Variants in PLXNA1 observed in about 807,000 individuals in gnomAD.
The protein encoded by PLXNA1 is plexin-A1.
PLXNA1 carries 77 observed loss-of-function variants against 191.7 expected under a neutral mutation model. The ratio of observed to expected loss-of-function variants is 0.40; its 90% confidence interval spans 0.33 to 0.49. The LOEUF is 0.49. Ranked by LOEUF, PLXNA1 falls within the 20% of genes least tolerant of loss-of-function variation. The pLI is 0.63. For missense variants in PLXNA1, 2,110 were observed against 2,660.2 expected (o/e 0.79, Z 4.55); for synonymous variants, 1,137 against 1,156.4 (o/e 0.98, Z 0.34).
intron 17 of PLXNA1, among the ~76,000 whole-genome samples, 178 bp downstream of exon 17, chr3:127,017,215 G>A (rs569296247): frequency 3.3e-5 from 5 of 152,360 alleles, no homozygotes; most frequent in Admixed American, 2.6e-4. Context: ...GCGGGTAGAA[G>A]GTCTGGCTCT....
At chr3:127,017,393 T>TCCCGCCCAGCATC (rs1159421102) in intron 17 of PLXNA1, 32 bp from the exon 18 acceptor site, 1 of 1,602,432 alleles carries the variant, frequency 6.2e-7, no homozygotes, top group Admixed American at 1.7e-5. Context: ...CTCGCGGAGG[T>TCCCGCCCAGCATC]CCCGCCCAGC....
chr3:126,983,936 C>T (rs2078944597), intron 1 of PLXNA1, among the ~76,000 whole-genome samples: 2 of 152,178 alleles, frequency 1.3e-5, no homozygotes, highest in Non-Finnish European at 1.5e-5. Flanking sequence ...GCCACCGCTC[C>T]CACTGGCCCG....
In PLXNA1 at chr3:127,016,952, C is replaced by A; in HGVS notation, c.3191C>A (p.Thr1064Asn). The change falls in exon 17 of 32, where the codon ACC (threonine) becomes AAC (asparagine). Residue 1064 changes from threonine to asparagine, a missense_variant. Thr to Asn is a moderately conservative substitution (Grantham distance 65, BLOSUM62 0). Around this residue, in one of 4 missense-constraint regions of PLXNA1, gnomAD observed 644 missense variants for 714.3 expected, o/e 0.90. Coordinates refer to ENST00000393409, the MANE Select transcript of PLXNA1 (RefSeq NM_032242.4). ...DPEWSINSGG[T>N]LLTVTGTNLA... ...CCCCTGTCCTGTTCCAGCGGTGGGA[C>A]CCTCCTGACGGTCACAGGCACCAAC... 1 of 1,612,920 alleles carries A rather than the reference C, an allele frequency of 6.2e-7. No individual in the cohort carries two copies. The highest frequency in any genetic ancestry group is 8.5e-7 in the Non-Finnish European group (1 of 1,179,686).
At chr3:126,997,008 A>G (rs981867812) in intron 3 of PLXNA1, among the ~76,000 whole-genome samples, 2 of 152,104 alleles carry the variant, frequency 1.3e-5, no homozygotes, top group African/African-American at 4.8e-5. Context: ...TTCCCTTCCC[A>G]GGGTGACCGC....
chr3:126,997,867 T>TA (rs368546267), intron 3 of PLXNA1, among the ~76,000 whole-genome samples: 114 of 152,284 alleles, frequency 7.5e-4, no homozygotes, highest in African/African-American at 2.6e-3. Flanking sequence ...ACACCATTGA[T>TA]AAGGTGGAGG....
intron 20 of PLXNA1, 74 bp downstream of exon 20, chr3:127,018,602 TC>T: frequency 8.8e-7 from 1 of 1,138,318 alleles, no homozygotes. Flanking sequence ...CACACCTACT[TC>T]CCACCGCCGC....
Position 127,013,610 on chromosome 3 carries a change from A to T in PLXNA1, c.2314-410A>T, listed in dbSNP as rs540358977. Reference sequence around the variant, plus strand: ...CCCAGTCCGGGGACACGGATCTCCCACCTCAAGGCAGGGCAGTCCTGGCCC... The same window carrying T: ...CCCAGTCCGGGGACACGGATCTCCCTCCTCAAGGCAGGGCAGTCCTGGCCC... On this transcript the variant is annotated intron_variant, in intron 10 of 31. Transcript: ENST00000393409. Among the ~76,000 whole-genome samples the T allele has an allele frequency of 6.6e-5, 10 of 152,322 alleles. No homozygotes were observed. In the East Asian group the frequency reaches 1.9e-3, roughly 29 times the overall value.
chr3:126,983,946 G>A (rs1483150514), intron 1 of PLXNA1, among the ~76,000 whole-genome samples: 11 of 152,178 alleles, frequency 7.2e-5, no homozygotes, highest in Non-Finnish European at 1.3e-4. Context: ...CCACTGGCCC[G>A]GAGTGCGGGG....
chr3:127,028,727 G>A (rs2079189612), intron 25 of PLXNA1: 1 of 555,786 alleles, frequency 1.8e-6, no homozygotes, highest in Non-Finnish European at 3.2e-6. Context: ...AGAAGCCTCG[G>A]TGCCAGGCTG....
At chr3:126,987,701 G>C (rs2078965977) in intron 1 of PLXNA1, among the ~76,000 whole-genome samples, 1 of 152,210 alleles carries the variant, frequency 6.6e-6, no homozygotes, top group South Asian at 2.1e-4. Flanking sequence ...GCTGGGAGCA[G>C]GACTGGTGGC....
Position 127,034,246 on chromosome 3 carries a change from G to C in PLXNA1, c.*229G>C. 2.0e-6 allele frequency: 1 copy of C among 493,294 alleles called. No homozygotes were observed. The highest frequency in any genetic ancestry group is 3.6e-6 in the Non-Finnish European group (1 of 275,448). The allele number at this position is 493,294 out of a possible 1,614,324, so 30.6% of individuals were successfully genotyped here. ...TGCGCACACAGCTGCTTGCTCAGGG[G>C]CCGGGACAGCACTGGGTGCTCAGGC... On this transcript the variant is annotated 3_prime_UTR_variant, in exon 32 of 32. Transcript: ENST00000393409.
In PLXNA1 at chr3:127,020,156, C is replaced by T. The variant is rs375188851; in HGVS notation, c.3896-46C>T. The T allele has an allele frequency of 5.6e-5, 89 of 1,601,936 alleles. 1 individual carries two copies. The highest frequency in any genetic ancestry group is 2.0e-4 in the East Asian group (9 of 44,740). On this transcript the variant is annotated intron_variant, in intron 20 of 31. Coordinates refer to ENST00000393409, the MANE Select transcript of PLXNA1 (RefSeq NM_032242.4). ...AGAGTGGGAGGGTTGGGGCATGGAG[C>T]GGGGCCACCAGGGCATGCTGCCCCT...
intron 1 of PLXNA1, among the ~76,000 whole-genome samples, chr3:126,984,093 C>T (rs1299900728): frequency 6.6e-6 from 1 of 152,152 alleles, no homozygotes; most frequent in Non-Finnish European, 1.5e-5. Context: ...GCCTGATGTG[C>T]GGCGAAGCTG....
At chr3:126,993,431 C>A (rs1251604049) in intron 3 of PLXNA1, among the ~76,000 whole-genome samples, 3 of 152,212 alleles carry the variant, frequency 2.0e-5, no homozygotes, top group Admixed American at 2.0e-4. Flanking sequence ...TTGAGCCTGG[C>A]TTTGTGGGCA....
intron 8 of PLXNA1, among the ~76,000 whole-genome samples, chr3:127,006,989 C>T (rs6785864): frequency 0.036 from 5,517 of 152,270 alleles, 320 homozygotes; most frequent in African/African-American, 0.12. Flanking sequence ...GACTGACTCA[C>T]AGATGGACTC....
rs766246674 is a variant in PLXNA1 at position 127,005,110 on chromosome 3, C to G, written c.1764C>G (p.Asn588Lys). The G allele has an allele frequency of 1.2e-6, 2 of 1,612,726 alleles. No homozygotes were observed. Among genetic ancestry groups the G allele is most frequent in the Non-Finnish European group, 8.5e-7 (1 of 1,179,916 alleles). Residue 588 changes from asparagine to lysine, a missense_variant, in exon 7 of 32, where the codon AAC becomes AAG. Physicochemically the swap from Asn to Lys is moderately conservative, Grantham distance 94. Transcript: ENST00000393409. ...CCCAGCTTGTGCTGCAGGCCTGGAA[C>G]GTGCCTGACCTCTCAGCTGGCGTCA... ...SQVPLVLQAW[N>K]VPDLSAGVNC... is the part of the protein sequence containing the mutation.
At chr3:126,991,066 C>T (rs910301579) in intron 2 of PLXNA1, among the ~76,000 whole-genome samples, 1 of 152,212 alleles carries the variant, frequency 6.6e-6, no homozygotes, top group Non-Finnish European at 1.5e-5. Context: ...CCACTTCTCC[C>T]CACATCCCTT....
Position 127,006,083 on chromosome 3 carries a change from C to T in PLXNA1, c.1902C>T (p.Asp634=). 6.2e-7 allele frequency: 1 copy of T among 1,612,950 alleles called. No homozygotes were observed. The highest frequency in any genetic ancestry group is 8.5e-7 in the Non-Finnish European group (1 of 1,179,194). The change falls in exon 8 of 32, where the codon GAC becomes GAT. Residue 634 remains aspartate (D), a synonymous_variant. Coordinates refer to ENST00000393409, the MANE Select transcript of PLXNA1 (RefSeq NM_032242.4). ...EVAPITRGQG[D]QRVVKLYLKS... ...TCAGCCATGCTGCTCGTGCAGGAGACCAGCGGGTGGTGAAACTCTACCTAA... is the reference window on the plus strand; with the variant it reads ...TCAGCCATGCTGCTCGTGCAGGAGATCAGCGGGTGGTGAAACTCTACCTAA...
At chr3:127,021,656 G>T (rs2107635115) in intron 21 of PLXNA1, among the ~76,000 whole-genome samples, 1 of 152,316 alleles carries the variant, frequency 6.6e-6, no homozygotes, top group Middle Eastern at 3.4e-3. Context: ...AGTGGATGGG[G>T]GCATTGAGTT....
Sources: gnomAD v4.1 joint callset for allele counts (sites outside exome capture counted in the v4.1 genomes callset) on GRCh38, gnomAD v4.1.1 for gene constraint, gnomAD v4.1.1 regional missense constraint, MANE v1.5 for transcripts, NCBI Gene and HGNC (gene_info 2026-07-23, HGNC 2026-07-21) for gene names.